Variants in ARHGAP19 observed in about 807,000 individuals in gnomAD.
ARHGAP19 encodes the protein rho GTPase-activating protein 19.
ARHGAP19 carries 48 observed loss-of-function variants against 60.9 expected under a neutral mutation model. The ratio of observed to expected loss-of-function variants is 0.79; its 90% CI spans 0.62 to 1.00. The LOEUF (loss-of-function observed/expected upper bound fraction) is 1.00. Among genes scored for constraint, ARHGAP19 ranks in the 50% least tolerant of loss-of-function variants. ARHGAP19 has a pLI of 0.00. For synonymous variants in ARHGAP19, 209 were observed against 215.5 expected, an observed-to-expected ratio of 0.97 and a Z score of 0.27; for missense variants, 562 against 597.2, an observed-to-expected ratio of 0.94 and a Z score of 0.61.
intron 5 of ARHGAP19, among the ~76,000 whole-genome samples, chr10:97,257,435 G>A (rs937512106): frequency 6.6e-6 from 1 of 151,736 alleles, no homozygotes; most frequent in Non-Finnish European, 1.5e-5. Flanking sequence ...GTATAGGCAT[G>A]TGCCACCACG....
intron 6 of ARHGAP19, among the ~76,000 whole-genome samples, chr10:97,251,201 AAG>A: frequency 3.4e-5 from 2 of 58,808 alleles, no homozygotes; most frequent in Non-Finnish European, 6.4e-5. Context: ...GGGAAGGGGA[AAG>A]GGAAGGGGAA....
chr10:97,245,191 G>A (rs1589451889), intron 7 of ARHGAP19, among the ~76,000 whole-genome samples: 1 of 151,946 alleles, frequency 6.6e-6, no homozygotes, highest in African/African-American at 2.4e-5. Flanking sequence ...ATTTTTGGTA[G>A]AGACTGGGTT....
chr10:97,263,319 A>G (rs542562172), intron 4 of ARHGAP19, 101 bp downstream of exon 4: 2 of 1,192,016 alleles, frequency 1.7e-6, no homozygotes, highest in South Asian at 2.6e-5. Context: ...ACCAATATTA[A>G]TAGAAGTATT....
chr10:97,272,904 G>T (rs1265100589), intron 1 of ARHGAP19, among the ~76,000 whole-genome samples: 1 of 149,178 alleles, frequency 6.7e-6, no homozygotes, highest in African/African-American at 2.5e-5. Context: ...GCAGTGGGAC[G>T]ATCTCGGCTG....
intron 1 of ARHGAP19, among the ~76,000 whole-genome samples, chr10:97,279,378 A>T (rs988805817): frequency 6.6e-6 from 1 of 152,154 alleles, no homozygotes; most frequent in Non-Finnish European, 1.5e-5. Flanking sequence ...TATAGTATGG[A>T]CTACAAAATT....
intron 8 of ARHGAP19, among the ~76,000 whole-genome samples, chr10:97,240,131 A>T (rs1842455387): frequency 6.6e-6 from 1 of 152,058 alleles, no homozygotes; most frequent in African/African-American, 2.4e-5. Context: ...AAGGGGGAAA[A>T]AAAAAAGAAG....
chr10:97,261,120 C>T (rs770537049), intron 4 of ARHGAP19, among the ~76,000 whole-genome samples: 1 of 152,072 alleles, frequency 6.6e-6, no homozygotes, highest in Non-Finnish European at 1.5e-5. Context: ...ATTGGTTCTT[C>T]CCTAACAGAC....
At position 97,224,495 on chromosome 10, in the gene ARHGAP19, T is replaced by C. The variant is rs1850860116; in HGVS notation, c.*1627A>G. The C allele has an allele frequency of 6.6e-6, 1 of 152,192 alleles. No homozygotes were observed. Among genetic ancestry groups the C allele is most frequent in the Non-Finnish European group, 1.5e-5 (1 of 68,034 alleles). 9.4% of individuals were successfully genotyped at this position (152,192 alleles called of 1,614,324 possible). On this transcript the variant is annotated 3_prime_UTR_variant, in exon 12 of 12. Coordinates refer to ENST00000358531, the MANE Select transcript of ARHGAP19 (RefSeq NM_032900.6). ...ACTGCATTAAGCTGGAAGACCAAATTTTACATTTTTCTCCACTATTGCTGT... is the reference window on the plus strand; with the variant it reads ...ACTGCATTAAGCTGGAAGACCAAATCTTACATTTTTCTCCACTATTGCTGT...
intron 8 of ARHGAP19, among the ~76,000 whole-genome samples, chr10:97,235,804 G>C (rs1842366030): frequency 6.6e-6 from 1 of 152,178 alleles, no homozygotes; most frequent in African/African-American, 2.4e-5. Context: ...ATGCAGACTT[G>C]TCAATGCTAT....
At chr10:97,229,709 C>A in intron 10 of ARHGAP19, 55 bp downstream of exon 10, 1 of 1,338,098 alleles carries the variant, frequency 7.5e-7, no homozygotes, top group Non-Finnish European at 1.0e-6. Context: ...ATCAATTTTC[C>A]TCTTTTCTAC....
At chr10:97,237,611 C>T (rs1243180468) in intron 8 of ARHGAP19, among the ~76,000 whole-genome samples, 1 of 152,156 alleles carries the variant, frequency 6.6e-6, no homozygotes, top group Non-Finnish European at 1.5e-5. Context: ...CAGCTCACAC[C>T]TATAATCCCA....
intron 8 of ARHGAP19, among the ~76,000 whole-genome samples, chr10:97,239,638 G>A (rs1842446219): frequency 6.8e-6 from 1 of 146,354 alleles, no homozygotes; most frequent in African/African-American, 2.5e-5. Context: ...TTGGATCCTG[G>A]AGCAAAAAAA....
At chr10:97,272,997 C>T (rs1275916838) in intron 1 of ARHGAP19, among the ~76,000 whole-genome samples, 3 of 151,876 alleles carry the variant, frequency 2.0e-5, no homozygotes, top group South Asian at 2.1e-4. Flanking sequence ...CCCGCCACCA[C>T]GCCTGGCTAA....
chr10:97,258,476 C>T (rs544106088), intron 5 of ARHGAP19, among the ~76,000 whole-genome samples: 2 of 152,090 alleles, frequency 1.3e-5, no homozygotes, highest in East Asian at 1.9e-4. Flanking sequence ...AGAGATTGCA[C>T]TGAGCTGAGA....
At chr10:97,244,297 C>A in intron 7 of ARHGAP19, 138 bp from the exon 8 acceptor site, 1 of 607,066 alleles carries the variant, frequency 1.6e-6, no homozygotes, top group East Asian at 2.8e-5. Context: ...AAAATCTTAA[C>A]ACTATTATCA....
chr10:97,270,918 G>A (rs1390338698), intron 1 of ARHGAP19, among the ~76,000 whole-genome samples: 1 of 152,208 alleles, frequency 6.6e-6, no homozygotes, highest in African/African-American at 2.4e-5. Context: ...AGATGAAACA[G>A]TTACAAATGT....
intron 1 of ARHGAP19, 40 bp downstream of exon 1, chr10:97,292,532 A>G (rs747216397): frequency 6.2e-7 from 1 of 1,613,478 alleles, no homozygotes; most frequent in African/African-American, 1.3e-5. Flanking sequence ...TACCAGCCCA[A>G]GGCCGCGTTT....
chr10:97,249,564 A>G (rs1416253134), intron 6 of ARHGAP19, among the ~76,000 whole-genome samples: 1 of 152,224 alleles, frequency 6.6e-6, no homozygotes, highest in Non-Finnish European at 1.5e-5. Flanking sequence ...AATGTGAGAC[A>G]TTCTACAACA....
chr10:97,241,005 A>C (rs1206323855), intron 8 of ARHGAP19, among the ~76,000 whole-genome samples: 2 of 152,210 alleles, frequency 1.3e-5, no homozygotes, highest in Non-Finnish European at 2.9e-5. Flanking sequence ...ATTAGAAAAC[A>C]ATAAAATTAT....
Sources: gnomAD v4.1 joint callset for allele counts (sites outside exome capture counted in the v4.1 genomes callset) on GRCh38, gnomAD v4.1.1 for gene constraint, MANE v1.5 for transcripts, NCBI Gene and HGNC (gene_info 2026-07-23, HGNC 2026-07-21) for gene names.